MYO16: variants seen among roughly 807,000 people sequenced by gnomAD.
MYO16 encodes unconventional myosin-XVI.
A neutral mutation model predicts 205.3 loss-of-function variants in MYO16; 94 were observed. That is an observed-to-expected ratio of 0.46 (90% CI 0.39 to 0.54). MYO16 has a LOEUF of 0.54. Ranked by LOEUF, MYO16 falls within the 20% of genes least tolerant of loss-of-function variation. MYO16 has a pLI of 0.00. For synonymous variants in MYO16, 988 were observed against 954.0 expected, an observed-to-expected ratio of 1.04 and a Z score of -0.66; for missense variants, 2,315 against 2,387.5, an observed-to-expected ratio of 0.97 and a Z score of 0.63.
intron 28 of MYO16, among the ~76,000 whole-genome samples, chr13:109,107,382 T>C (rs905982647): frequency 6.6e-6 from 1 of 152,240 alleles, no homozygotes; most frequent in Non-Finnish European, 1.5e-5. Flanking sequence ...GGATTTGCTC[T>C]TATATTGCCA....
chr13:108,824,921 AC>A (rs1876172305), intron 9 of MYO16, among the ~76,000 whole-genome samples: 1 of 152,126 alleles, frequency 6.6e-6, no homozygotes, highest in Admixed American at 6.6e-5. Context: ...GTCATCAAAA[AC>A]TTCTCACAGA....
chr13:108,962,478 A>T lies in MYO16; in HGVS notation c.2210A>T (p.Asp737Val). The part of the protein sequence containing the change: ...TDELASALTT[D>V]IQYFKGDMII... Reference sequence around the variant, plus strand: ...GAATTGGCATCTGCCTTAACAACTGATATTCAATATTTTAAAGGTAATTTT... The same window carrying T: ...GAATTGGCATCTGCCTTAACAACTGTTATTCAATATTTTAAAGGTAATTTT... The change falls in exon 19 of 35, where the codon GAT (aspartate) becomes GTT (valine). Residue 737 changes from aspartate (D) to valine (V), a missense_variant. Physicochemically the swap from Asp to Val is radical, Grantham distance 152. Around this residue, in one of 3 missense-constraint regions of MYO16, gnomAD observed 1,213 missense variants for 1,274.4 expected, o/e 0.95. Coordinates refer to ENST00000457511, the MANE Select transcript of MYO16 (RefSeq NM_001198950.3). The T allele has an allele frequency of 6.3e-7, 1 of 1,582,474 alleles. No individual in the cohort carries two copies. Among genetic ancestry groups the T allele is most frequent in the Non-Finnish European group, 8.6e-7 (1 of 1,169,102 alleles).
At chr13:109,157,712 C>T (rs781679674) in intron 32 of MYO16, among the ~76,000 whole-genome samples, 3 of 152,152 alleles carry the variant, frequency 2.0e-5, no homozygotes, top group Non-Finnish European at 4.4e-5. Context: ...CCCTGGATGT[C>T]CCTGTCACAT....
chr13:108,621,038 A>G (rs758913445), intron 1 of MYO16, among the ~76,000 whole-genome samples: 15 of 152,102 alleles, frequency 9.9e-5, no homozygotes, highest in Non-Finnish European at 2.1e-4. Context: ...TGAACATGTC[A>G]TGAAGATACC....
intron 27 of MYO16, among the ~76,000 whole-genome samples, chr13:109,098,384 G>A (rs1265843937): frequency 6.6e-6 from 1 of 152,166 alleles, no homozygotes; most frequent in Non-Finnish European, 1.5e-5. Flanking sequence ...AGCATTTTCT[G>A]CATCCCGCCA....
the MYO16 span, among the ~76,000 whole-genome samples, chr13:108,574,773 C>A: frequency 6.6e-6 from 1 of 151,548 alleles, no homozygotes; most frequent in African/African-American, 2.4e-5. Context: ...TCCTACCAAG[C>A]ATTTCCTCTC....
chr13:109,202,406 G>T (rs1880429248), intron 34 of MYO16, among the ~76,000 whole-genome samples: 1 of 152,184 alleles, frequency 6.6e-6, no homozygotes, highest in Non-Finnish European at 1.5e-5. Context: ...TCTTGTGGGA[G>T]AAAGGTGGTA....
At chr13:109,133,177 TC>T (rs1253000990) in intron 31 of MYO16, among the ~76,000 whole-genome samples, 1 of 152,212 alleles carries the variant, frequency 6.6e-6, no homozygotes, top group South Asian at 2.1e-4. Context: ...CTATCCTACA[TC>T]CACTCATGTA....
intron 1 of MYO16, among the ~76,000 whole-genome samples, chr13:108,608,733 C>T (rs1239057448): frequency 1.3e-5 from 2 of 151,982 alleles, no homozygotes; most frequent in African/African-American, 4.8e-5. Context: ...ACCTCCGCCT[C>T]CAGGGTTAAA....
intron 3 of MYO16, among the ~76,000 whole-genome samples, chr13:108,718,213 C>A (rs941697903): frequency 3.3e-5 from 5 of 152,026 alleles, no homozygotes; most frequent in Non-Finnish European, 7.4e-5. Context: ...AGAGAAATAT[C>A]TTATTTTTAA....
At chr13:108,937,492 C>T (rs1215123694) in intron 16 of MYO16, among the ~76,000 whole-genome samples, 2 of 152,128 alleles carry the variant, frequency 1.3e-5, no homozygotes, top group Admixed American at 6.5e-5. Flanking sequence ...TCTTTTCTTT[C>T]AGAAATGCCA....
chr13:108,661,157 T>G (rs371803536), intron 1 of MYO16, among the ~76,000 whole-genome samples: 11 of 152,312 alleles, frequency 7.2e-5, no homozygotes, highest in African/African-American at 2.4e-4. Context: ...AATCTGCTGT[T>G]AATCTGATAG....
At chr13:108,903,524 A>AT (rs949076067) in intron 15 of MYO16, among the ~76,000 whole-genome samples, 1 of 152,148 alleles carries the variant, frequency 6.6e-6, no homozygotes. Context: ...ATGTATATGT[A>AT]TTTTTTGTAG....
chr13:109,092,206 A>G (rs950224134), intron 27 of MYO16, among the ~76,000 whole-genome samples: 1 of 152,368 alleles, frequency 6.6e-6, no homozygotes, highest in East Asian at 1.9e-4. Flanking sequence ...GAGAAAGTGC[A>G]TCTGAGGTTA....
At chr13:109,166,738 A>G (rs563637931) in intron 33 of MYO16, 1 of 152,384 alleles carries the variant, frequency 6.6e-6, no homozygotes, top group African/African-American at 2.4e-5. Flanking sequence ...TGGTGACATT[A>G]TTCATAATCA....
At chr13:109,089,013 A>C (rs1375721872) in intron 27 of MYO16, among the ~76,000 whole-genome samples, 3 of 152,058 alleles carry the variant, frequency 2.0e-5, no homozygotes, top group Non-Finnish European at 4.4e-5. Context: ...TTAATTCCTA[A>C]TAAATTTGGC....
intron 3 of MYO16, among the ~76,000 whole-genome samples, chr13:108,714,885 C>A (rs1337933726): frequency 6.6e-6 from 1 of 152,110 alleles, no homozygotes; most frequent in Admixed American, 6.5e-5. Flanking sequence ...TCTCTCATCC[C>A]CTCGACAGCT....
chr13:108,595,747 A>T (rs372846257), upstream of MYO16, among the ~76,000 whole-genome samples: 1 of 152,070 alleles, frequency 6.6e-6, no homozygotes, highest in African/African-American at 2.4e-5. Flanking sequence ...CTTCAACTCC[A>T]GTCCTTCTGT....
chr13:108,794,094 C>T (rs939983869), intron 6 of MYO16, among the ~76,000 whole-genome samples: 2 of 152,162 alleles, frequency 1.3e-5, no homozygotes, highest in Non-Finnish European at 2.9e-5. Flanking sequence ...CCAAATATCA[C>T]ATTTTCTTAC....
Sources: allele counts gnomAD v4.1 joint callset (sites outside exome capture counted in the v4.1 genomes callset), GRCh38; gene constraint gnomAD v4.1.1; regional missense constraint gnomAD v4.1.1; transcripts MANE v1.5; gene names NCBI Gene and HGNC (gene_info 2026-07-23, HGNC 2026-07-21).